Variants in CPD observed in about 807,000 individuals in gnomAD.
The protein encoded by CPD is metallocarboxypeptidase D.
In CPD, 69 loss-of-function variants were observed where a neutral mutation model predicts 138.3. The observed-to-expected ratio is 0.50, with a 90% CI of 0.41 to 0.61. The LOEUF is 0.61. CPD is among the 20% of genes least tolerant of loss of function. The pLI is 0.00. For missense variants in CPD, 1,432 were observed against 1,733.3 expected, an observed-to-expected ratio of 0.83 and a Z score of 3.09; for synonymous variants, 651 against 642.1, an observed-to-expected ratio of 1.01 and a Z score of -0.21.
chr17:30,407,166 A>G (rs1011683546), intron 2 of CPD, among the ~76,000 whole-genome samples: 6 of 152,254 alleles, frequency 3.9e-5, no homozygotes, highest in Middle Eastern at 3.4e-3. Flanking sequence ...TTATGGCTGC[A>G]TTGTATTCCA....
intron 2 of CPD, among the ~76,000 whole-genome samples, chr17:30,389,777 T>G (rs949845592): frequency 9.2e-5 from 14 of 152,254 alleles, no homozygotes; most frequent in African/African-American, 3.4e-4. Context: ...TGCTGTCATT[T>G]TTATTTTCAT....
At position 30,392,399 on chromosome 17, in the gene CPD, T is replaced by C. The variant is rs537228476; in HGVS notation, c.994+7163T>C. Among the ~76,000 whole-genome samples the C allele has an allele frequency of 1.1e-4, 17 of 152,334 alleles. 1 individual carries two copies. The South Asian group carries it at 3.5e-3, about 32-fold the overall frequency. On this transcript the variant is annotated intron_variant, in intron 2 of 20. Coordinates refer to ENST00000225719, the MANE Select transcript of CPD (RefSeq NM_001304.5). ...CTACTCTGAGTAAATAAGCTTGCCT[T>C]ACTGGTAGATCCTAGATCAGTATTA... is the stretch of plus-strand genomic sequence containing the variant.
At chr17:30,415,188 C>T (rs868171532) in intron 2 of CPD, among the ~76,000 whole-genome samples, 2 of 152,138 alleles carry the variant, frequency 1.3e-5, no homozygotes, top group African/African-American at 2.4e-5. Flanking sequence ...CATCCAGACC[C>T]GTCCTCTTTG....
intron 1 of CPD, among the ~76,000 whole-genome samples, chr17:30,384,332 T>C (rs940568636): frequency 1.1e-4 from 16 of 152,248 alleles, no homozygotes; most frequent in Non-Finnish European, 1.6e-4. Context: ...AAAATTAGAC[T>C]TCCTATCTTA....
rs1392256351 is a variant in CPD at position 30,385,113 on chromosome 17, T to C, written c.871T>C (p.Leu291=). 2 of 1,614,110 alleles carry C rather than the reference T, an allele frequency of 1.2e-6. No individual in the cohort carries two copies. The highest frequency in any genetic ancestry group is 1.7e-5 in the Admixed American group (1 of 60,010). Residue 291 remains leucine, a synonymous_variant, in exon 2 of 21, where the codon TTG becomes CTG. Transcript: ENST00000225719. ...CTCAGATGATGAAGTATTTAAATAC[T>C]TGGCAAAAGCTTATGCTTCAAACCA... ...KTSDDEVFKY[L]AKAYASNHPI...
chr17:30,402,672 G>T (rs1911705037), intron 2 of CPD, among the ~76,000 whole-genome samples: 1 of 152,224 alleles, frequency 6.6e-6, no homozygotes, highest in Non-Finnish European at 1.5e-5. Flanking sequence ...TCACATTGGA[G>T]TTGGTGTCTG....
chr17:30,455,547 A>AT (rs774570913), intron 15 of CPD, 77 bp downstream of exon 15: 1 of 1,495,708 alleles, frequency 6.7e-7, no homozygotes, highest in South Asian at 1.2e-5. Context: ...TCCCTTCCAC[A>AT]TTTTTATAAA....
chr17:30,384,700 T>G lies in CPD; in HGVS notation c.747-289T>G, dbSNP rs568919117. Among the ~76,000 whole-genome samples, 4 of 152,360 alleles carry G rather than the reference T, an allele frequency of 2.6e-5. No individual in the cohort carries two copies. The South Asian group carries it at 8.3e-4, about 32-fold the overall frequency. ...AGACATTTCCTGAAATATTAATTTATACTGTGTTATCCAGCTATTTTTTCA... is the reference window on the plus strand; with the variant it reads ...AGACATTTCCTGAAATATTAATTTAGACTGTGTTATCCAGCTATTTTTTCA... On this transcript the variant is annotated intron_variant, in intron 1 of 20. Transcript: ENST00000225719.
In CPD at chr17:30,438,983, C is replaced by A; in HGVS notation, c.2136C>A (p.Ser712=). The stretch of plus-strand genomic sequence containing the variant: ...TCTTTTTGTTTTTCCAGGAAAATTC[C>A]CAGATGTTTCAAGGTAGACCTTGCA... ...QIALSYSKEN[S]QMFQGRPCKN... Residue 712 remains serine (S), a synonymous_variant, in exon 9 of 21, where the codon TCC becomes TCA. Coordinates refer to ENST00000225719, the MANE Select transcript of CPD (RefSeq NM_001304.5). 6.5e-7 allele frequency: 1 copy of A among 1,545,222 alleles called. No individual in the cohort carries two copies. The highest frequency in any genetic ancestry group is 1.2e-5 in the South Asian group (1 of 80,908).
At chr17:30,402,622 T>C (rs548633735) in intron 2 of CPD, among the ~76,000 whole-genome samples, 267 of 152,356 alleles carry the variant, frequency 1.8e-3, no homozygotes, top group African/African-American at 6.2e-3. Flanking sequence ...ATGGTTATAA[T>C]AACTGCTTTA....
chr17:30,463,153 G>A (rs973558417), intron 20 of CPD, among the ~76,000 whole-genome samples: 11 of 152,186 alleles, frequency 7.2e-5, no homozygotes, highest in East Asian at 5.8e-4. Flanking sequence ...TGGGGGGCCT[G>A]TTCCCAACAC....
At chr17:30,403,283 CAG>C (rs780322129) in intron 2 of CPD, among the ~76,000 whole-genome samples, 4 of 152,122 alleles carry the variant, frequency 2.6e-5, no homozygotes, top group Non-Finnish European at 4.4e-5. Context: ...GTGCACCACT[CAG>C]GGGCCAGTCT....
chr17:30,413,940 G>A (rs1912034398), intron 2 of CPD, among the ~76,000 whole-genome samples: 1 of 152,144 alleles, frequency 6.6e-6, no homozygotes, highest in South Asian at 2.1e-4. Flanking sequence ...AGGTTATCCG[G>A]GGGAAGAGCA....
chr17:30,435,198 CT>C (rs766876469), intron 8 of CPD, among the ~76,000 whole-genome samples: 1 of 152,064 alleles, frequency 6.6e-6, no homozygotes, highest in Non-Finnish European at 1.5e-5. Flanking sequence ...AAAATTATCT[CT>C]GAAATGAAGA....
chr17:30,434,567 G>A (rs974030620), intron 8 of CPD, among the ~76,000 whole-genome samples: 25 of 152,140 alleles, frequency 1.6e-4, no homozygotes, highest in African/African-American at 6.0e-4. Flanking sequence ...AGGATCTGGT[G>A]TGATTTAATG....
chr17:30,457,265 C>T (rs1197727690), intron 17 of CPD, among the ~76,000 whole-genome samples: 1 of 152,182 alleles, frequency 6.6e-6, no homozygotes, highest in Non-Finnish European at 1.5e-5. Context: ...TTTTAGGATT[C>T]ATCCATTTTA....
At chr17:30,409,071 G>C (rs1038910240) in intron 2 of CPD, among the ~76,000 whole-genome samples, 1 of 152,150 alleles carries the variant, frequency 6.6e-6, no homozygotes, top group African/African-American at 2.4e-5. Context: ...ATGAAGGGCT[G>C]TTGAATTTTG....
At position 30,400,760 on chromosome 17, in the gene CPD, C is replaced by A. The variant is rs1008852310; in HGVS notation, c.994+15524C>A. On this transcript the variant is annotated intron_variant, in intron 2 of 20. Transcript: ENST00000225719. ...GCAAGCTTTGCCTCCTGGGTTCACT[C>A]CATTCTCCTGCCTCAGCCTCCTGAG... is the stretch of plus-strand genomic sequence containing the variant. Among the ~76,000 whole-genome samples, 195 of 144,694 alleles carry A rather than the reference C, an allele frequency of 1.3e-3. 1 individual carries two copies. The highest frequency in any genetic ancestry group is 4.8e-3 in the African/African-American group (186 of 38,914). 94.9% of individuals were successfully genotyped at this position (144,694 alleles called of 152,430 possible).
chr17:30,434,634 G>C (rs1467860250), intron 8 of CPD, among the ~76,000 whole-genome samples: 3 of 152,112 alleles, frequency 2.0e-5, no homozygotes, highest in African/African-American at 7.2e-5. Context: ...CAAACTCATA[G>C]CTTCTGGAGA....
Sources: gnomAD v4.1 joint callset for allele counts (sites outside exome capture counted in the v4.1 genomes callset) on GRCh38, gnomAD v4.1.1 for gene constraint, MANE v1.5 for transcripts, NCBI Gene and HGNC (gene_info 2026-07-23, HGNC 2026-07-21) for gene names.